Variants in ANKRD26 observed in about 807,000 individuals in gnomAD.
The protein encoded by ANKRD26 is ankyrin repeat domain 26.
ANKRD26 carries 141 observed loss-of-function variants against 208.7 expected under a neutral mutation model. That is an observed-to-expected ratio of 0.68 (90% CI 0.59 to 0.78). ANKRD26 has a LOEUF of 0.78. ANKRD26 is among the 30% of genes least tolerant of loss of function. The pLI, the probability that ANKRD26 is intolerant of heterozygous loss-of-function variation, is 0.00. For synonymous variants in ANKRD26, 636 were observed against 660.4 expected (o/e 0.96, Z 0.57); for missense variants, 1,889 against 1,938.7 (o/e 0.97, Z 0.48).
At chr10:27,040,692 G>C (rs947722213) in intron 20 of ANKRD26, among the ~76,000 whole-genome samples, 2 of 152,158 alleles carry the variant, frequency 1.3e-5, no homozygotes, top group South Asian at 4.1e-4. Context: ...AGTTTCAAGA[G>C]AGTGGACTCA....
intron 15 of ANKRD26, among the ~76,000 whole-genome samples, chr10:27,056,726 G>A (rs1300115631): frequency 6.6e-6 from 1 of 151,970 alleles, no homozygotes; most frequent in African/African-American, 2.4e-5. Context: ...GTAGTGAGCT[G>A]AGATCATGCC....
chr10:26,954,856 T>C, the ANKRD26 span, among the ~76,000 whole-genome samples: 1 of 151,738 alleles, frequency 6.6e-6, no homozygotes, highest in East Asian at 1.9e-4. Context: ...ATGGACTTTA[T>C]GAAACATAGT....
In ANKRD26 at chr10:27,014,621, G is replaced by A. The variant is rs374689950; in HGVS notation, c.4597C>T (p.Leu1533=). Reference sequence around the variant, plus strand: ...TTTATTTTGGAGAGTTCAGATTCCAGATCTTTAATTCTGAGTTCCATCTGA... The same window carrying A: ...TTTATTTTGGAGAGTTCAGATTCCAAATCTTTAATTCTGAGTTCCATCTGA... ...KSQMELRIKD[L]ESELSKIKTS... The change falls in exon 31 of 34, where the codon CTG becomes TTG. Residue 1533 remains leucine (L), a synonymous_variant. Transcript: ENST00000376087. The A allele has an allele frequency of 3.1e-6, 5 of 1,612,526 alleles. No homozygotes were observed. The African/African-American group carries it at 6.7e-5, about 22-fold the overall frequency.
intron 1 of ANKRD26, among the ~76,000 whole-genome samples, chr10:27,094,485 G>A (rs1160062364): frequency 6.6e-6 from 1 of 152,110 alleles, no homozygotes; most frequent in Non-Finnish European, 1.5e-5. Context: ...CTTAGTAAGT[G>A]CCTCAGTTTC....
intron 15 of ANKRD26, among the ~76,000 whole-genome samples, chr10:27,056,425 G>A (rs897224177): frequency 3.3e-5 from 5 of 151,142 alleles, no homozygotes; most frequent in Admixed American, 6.6e-5. Flanking sequence ...TGATCCACCC[G>A]CCTTGGCCTC....
chr10:27,098,726 T>A (rs1010835215), intron 1 of ANKRD26, among the ~76,000 whole-genome samples: 9 of 152,028 alleles, frequency 5.9e-5, no homozygotes, highest in African/African-American at 2.2e-4. Flanking sequence ...TTTTTTTGTA[T>A]TTTTAGTAGA....
intron 3 of ANKRD26, among the ~76,000 whole-genome samples, chr10:27,093,038 G>A (rs903196765): frequency 2.6e-5 from 4 of 151,876 alleles, no homozygotes; most frequent in Admixed American, 1.3e-4. Flanking sequence ...GCAGTGAGCC[G>A]AGATCGCGCC....
At chr10:26,979,988 T>C (rs1573141) in intron 5 of ANKRD26, among the ~76,000 whole-genome samples, 128,505 of 152,064 alleles carry the variant, frequency 0.85, 54,688 homozygotes, top group African/African-American at 0.95. Context: ...AACTAGTTCC[T>C]TAGTTCTGAC....
chr10:27,002,764 G>T (rs532367848), downstream of ANKRD26, among the ~76,000 whole-genome samples: 2 of 152,270 alleles, frequency 1.3e-5, no homozygotes, highest in South Asian at 4.1e-4. Context: ...GACTATTTTT[G>T]AACACAAAAA....
At chr10:27,067,394 T>A in intron 9 of ANKRD26, 108 bp from the exon 10 acceptor site, 1 of 1,286,498 alleles carries the variant, frequency 7.8e-7, no homozygotes, top group Non-Finnish European at 1.1e-6. Context: ...CATAAAGAAA[T>A]ACCTGGTCAT....
chr10:26,969,484 C>T (rs1453756701), downstream of ANKRD26, among the ~76,000 whole-genome samples: 1 of 152,124 alleles, frequency 6.6e-6, no homozygotes, highest in African/African-American at 2.4e-5. Context: ...CTGTTCATTG[C>T]TCTCTCACCA....
At chr10:27,035,919 T>C (rs2054028284) in intron 23 of ANKRD26, among the ~76,000 whole-genome samples, 167 bp from the exon 24 acceptor site, 1 of 150,916 alleles carries the variant, frequency 6.6e-6, no homozygotes, top group Non-Finnish European at 1.5e-5. Flanking sequence ...GTATAGAGCA[T>C]AAACTCCCAA....
chr10:27,053,256 T>C, intron 16 of ANKRD26, 64 bp downstream of exon 16: 1 of 1,150,986 alleles, frequency 8.7e-7, no homozygotes, highest in African/African-American at 1.5e-5. Context: ...TCATTTGGAC[T>C]ATGTTACATC....
intron 27 of ANKRD26, among the ~76,000 whole-genome samples, chr10:27,026,610 G>A (rs569215397): frequency 3.3e-5 from 5 of 152,274 alleles, no homozygotes; most frequent in Admixed American, 2.0e-4. Flanking sequence ...CTCCACTTTA[G>A]TATTTACAAT....
chr10:27,098,117 C>G (rs2056526282), intron 1 of ANKRD26, among the ~76,000 whole-genome samples: 1 of 151,892 alleles, frequency 6.6e-6, no homozygotes, highest in Non-Finnish European at 1.5e-5. Context: ...TTTACTTTTT[C>G]TTTTTTTATT....
At chr10:26,982,808 G>A (rs1260241188) in exon 4 of ANKRD26, among the ~76,000 whole-genome samples, 1 of 151,496 alleles carries the variant, frequency 6.6e-6, no homozygotes, top group Non-Finnish European at 1.5e-5. Flanking sequence ...ATACCATTAC[G>A]ACAACCTAAG....
chr10:27,033,039 T>G (rs1423769829), intron 25 of ANKRD26, among the ~76,000 whole-genome samples, 186 bp downstream of exon 25: 1 of 150,142 alleles, frequency 6.7e-6, no homozygotes, highest in Non-Finnish European at 1.5e-5. Context: ...CGCGCCACTG[T>G]GCCACTGCAC....
At chr10:27,002,142 G>T (rs1019952858), downstream of ANKRD26, among the ~76,000 whole-genome samples, 2 of 152,152 alleles carry the variant, frequency 1.3e-5, no homozygotes, top group East Asian at 3.9e-4. Flanking sequence ...GTCTGGGAAA[G>T]GATGGGGTGA....
chr10:26,968,877 T>G (rs952959925), downstream of ANKRD26, among the ~76,000 whole-genome samples: 1 of 152,186 alleles, frequency 6.6e-6, no homozygotes, highest in South Asian at 2.1e-4. Context: ...GTGCCTTATT[T>G]GAGGCTTAGA....
Sources: allele counts gnomAD v4.1 joint callset (sites outside exome capture counted in the v4.1 genomes callset), GRCh38; gene constraint gnomAD v4.1.1; transcripts MANE v1.5; gene names NCBI Gene and HGNC (gene_info 2026-07-23, HGNC 2026-07-21).